The following STK24 variants were observed in gnomAD, a reference collection of about 807,000 sequenced individuals.
STK24 encodes the protein serine/threonine kinase 24, also known as serine/threonine-protein kinase 24.
STK24 carries 21 observed loss-of-function variants against 55.6 expected under a neutral mutation model. The observed-to-expected ratio is 0.38, with a 90% CI of 0.27 to 0.54. STK24 has a LOEUF of 0.54. Among genes scored for constraint, STK24 ranks in the 20% least tolerant of loss-of-function variants. STK24 has a pLI of 0.79. For synonymous variants in STK24, 200 were observed against 215.2 expected, an observed-to-expected ratio of 0.93 and a Z score of 0.62; for missense variants, 383 against 538.4, an observed-to-expected ratio of 0.71 and a Z score of 2.86.
intron 1 of STK24, 122 bp downstream of exon 1, chr13:98,576,623 G>A (rs1897903110): frequency 1.3e-6 from 1 of 774,016 alleles, no homozygotes; most frequent in South Asian, 2.3e-5. Flanking sequence ...CCGGGCGCGC[G>A]GGGAGCCAGG....
chr13:98,471,046 A>C (rs568335688), intron 5 of STK24, among the ~76,000 whole-genome samples: 1 of 152,358 alleles, frequency 6.6e-6, no homozygotes, highest in Non-Finnish European at 1.5e-5. Context: ...AACATTACTC[A>C]TGCAAAAATA....
intron 10 of STK24, 36 bp downstream of exon 10, chr13:98,457,132 C>G: frequency 6.3e-7 from 1 of 1,599,180 alleles, no homozygotes; most frequent in Non-Finnish European, 8.5e-7. Context: ...GTGCAGGTCT[C>G]TCCTTCCCCA....
intron 1 of STK24, among the ~76,000 whole-genome samples, chr13:98,537,264 G>A (rs1406464271): frequency 6.6e-6 from 1 of 152,230 alleles, no homozygotes; most frequent in East Asian, 1.9e-4. Flanking sequence ...GGATGGCTAA[G>A]GACACCTGTC....
In STK24 at chr13:98,446,341, G is replaced by A. The variant is rs1892834197; in HGVS notation, c.*6832C>T. ...CGGGGATGACAGGGATGCTGGCGGG[G>A]GGCCCTGTCCACCCGAGGCCCTCAA... On this transcript the variant is annotated 3_prime_UTR_variant, in exon 11 of 11. Coordinates refer to ENST00000539966, the MANE Select transcript of STK24 (RefSeq NM_001032296.4). 4.7e-6 allele frequency: 3 copies of A among 635,574 alleles called. No individual in the cohort carries two copies. Among genetic ancestry groups the A allele is most frequent in the Non-Finnish European group, 8.4e-6 (3 of 358,264 alleles). The allele number at this position is 635,574 out of a possible 1,614,324, so 39.4% of individuals were successfully genotyped here.
At chr13:98,570,197 A>G (rs1282213622) in intron 1 of STK24, among the ~76,000 whole-genome samples, 1 of 152,186 alleles carries the variant, frequency 6.6e-6, no homozygotes, top group Non-Finnish European at 1.5e-5. Flanking sequence ...AATGTTCCTC[A>G]TAAACTAAGG....
chr13:98,483,230 G>A (rs1894668778), intron 2 of STK24, among the ~76,000 whole-genome samples: 3 of 152,336 alleles, frequency 2.0e-5, no homozygotes, highest in Admixed American at 1.3e-4. Context: ...CTGAGCTTCT[G>A]CACGAGGCCT....
chr13:98,546,423 T>A (rs534722291), intron 1 of STK24, among the ~76,000 whole-genome samples: 2 of 150,472 alleles, frequency 1.3e-5, no homozygotes, highest in African/African-American at 4.9e-5. Context: ...AATTTTGCTT[T>A]AAAAAAAAAA....
At position 98,448,178 on chromosome 13, in the gene STK24, A is replaced by AAAGT; in HGVS notation, c.*4991_*4994dup. ...TGTGTTTCTGTAAGCGATGCCCACC[A>AAAGT]AAGTGTCAGGAGTCCGTCCAAACAA... On this transcript the variant is annotated 3_prime_UTR_variant, in exon 11 of 11. Transcript: ENST00000539966. The AAAGT allele has an allele frequency of 7.0e-7, 1 of 1,431,688 alleles. No individual in the cohort carries two copies. Among genetic ancestry groups the AAAGT allele is most frequent in the Non-Finnish European group, 9.9e-7 (1 of 1,014,870 alleles). 88.7% of individuals were successfully genotyped at this position (1,431,688 alleles called of 1,614,324 possible).
intron 1 of STK24, among the ~76,000 whole-genome samples, chr13:98,555,746 T>C (rs1301206597): frequency 1.6e-5 from 2 of 128,842 alleles, no homozygotes; most frequent in Admixed American, 8.4e-5. Flanking sequence ...AGTGGCGCAA[T>C]CTCCGCTCAC....
intron 10 of STK24, chr13:98,454,064 T>C (rs1893333217): frequency 6.6e-6 from 1 of 152,210 alleles, no homozygotes; most frequent in Admixed American, 6.5e-5. Context: ...ATGTGCACTA[T>C]ATAAGTATAT....
Position 98,462,129 on chromosome 13 carries a change from AGT to A in STK24, c.930-234_930-233del, listed in dbSNP as rs1302432033. The stretch of plus-strand genomic sequence containing the variant: ...TGGTTCCACAACTCCCTGGCGTGCC[AGT>A]GTGTGCATGCCCACCCTCCTCCTCC... On this transcript the variant is annotated intron_variant, in intron 7 of 10. Coordinates refer to ENST00000539966, the MANE Select transcript of STK24 (RefSeq NM_001032296.4). Among the ~76,000 whole-genome samples, 3 of 151,926 alleles carry A rather than the reference AGT, an allele frequency of 2.0e-5. No individual in the cohort carries two copies. The East Asian group carries it at 5.8e-4, about 29-fold the overall frequency.
At chr13:98,535,971 T>C (rs971816535) in intron 1 of STK24, among the ~76,000 whole-genome samples, 1 of 152,236 alleles carries the variant, frequency 6.6e-6, no homozygotes, top group African/African-American at 2.4e-5. Context: ...CTGACTATTC[T>C]AGAAGCCAGA....
chr13:98,482,570 G>C (rs1208685023), intron 2 of STK24, among the ~76,000 whole-genome samples: 3 of 152,172 alleles, frequency 2.0e-5, no homozygotes, highest in Non-Finnish European at 4.4e-5. Context: ...AGGGCTCCAG[G>C]GCATGCGTTC....
At chr13:98,474,197 G>A (rs1405970679) in intron 5 of STK24, among the ~76,000 whole-genome samples, 1 of 152,146 alleles carries the variant, frequency 6.6e-6, no homozygotes, top group Admixed American at 6.5e-5. Context: ...AGAAAAATTA[G>A]GAGAGTGTCC....
At chr13:98,513,935 G>T (rs1895969682) in intron 2 of STK24, among the ~76,000 whole-genome samples, 1 of 152,186 alleles carries the variant, frequency 6.6e-6, no homozygotes, top group East Asian at 1.9e-4. Flanking sequence ...GAAGCCAAGG[G>T]CCAATACAAG....
intron 1 of STK24, among the ~76,000 whole-genome samples, chr13:98,535,852 C>T (rs556963780): frequency 6.6e-6 from 1 of 152,340 alleles, no homozygotes; most frequent in Non-Finnish European, 1.5e-5. Flanking sequence ...CCTGTCATCA[C>T]ACTAGAATGC....
intron 1 of STK24, among the ~76,000 whole-genome samples, chr13:98,549,572 G>T (rs1897112001): frequency 6.6e-6 from 1 of 151,998 alleles, no homozygotes; most frequent in Non-Finnish European, 1.5e-5. Context: ...AAAGTGTGTG[G>T]CACCTTCCAT....
At chr13:98,564,856 A>G (rs931202257) in intron 1 of STK24, among the ~76,000 whole-genome samples, 4 of 152,206 alleles carry the variant, frequency 2.6e-5, no homozygotes, top group African/African-American at 9.7e-5. Context: ...CCTTGGCAAC[A>G]TAGCGAGATT....
chr13:98,519,510 C>T (rs1346294916), intron 1 of STK24, 37 bp from the exon 2 acceptor site: 3 of 1,517,056 alleles, frequency 2.0e-6, no homozygotes, highest in Middle Eastern at 1.7e-4. Context: ...AAACTTTAGT[C>T]CCTCATAGCA....
Sources: gnomAD v4.1 joint callset for allele counts (sites outside exome capture counted in the v4.1 genomes callset) on GRCh38, gnomAD v4.1.1 for gene constraint, MANE v1.5 for transcripts, NCBI Gene and HGNC (gene_info 2026-07-23, HGNC 2026-07-21) for gene names.